Variants in CERS3 observed in about 807,000 individuals in gnomAD.
CERS3 encodes LAG1 homolog, ceramide synthase 3.
Under a neutral mutation model 50.3 loss-of-function variants are expected in CERS3, and 33 were observed. That is an observed-to-expected ratio of 0.66 (90% confidence interval 0.50 to 0.88). The LOEUF (loss-of-function observed/expected upper bound fraction) is 0.88, where lower values mean the gene tolerates loss of function less well. Among genes scored for constraint, CERS3 ranks in the 40% least tolerant of loss-of-function variants. The probability of loss-of-function intolerance (pLI) is 0.00; values close to 1 mark genes in which losing one functional copy is unlikely to be tolerated. For synonymous variants in CERS3, 176 were observed against 155.2 expected (o/e 1.13, Z -0.99); for missense variants, 470 against 460.3 (o/e 1.02, Z -0.19).
chr15:100,452,135 CTT>C (rs1567627235), intron 11 of CERS3, among the ~76,000 whole-genome samples: 1 of 150,498 alleles, frequency 6.6e-6, no homozygotes, highest in African/African-American at 2.5e-5. Context: ...ACCTAACAGA[CTT>C]TTACAGAACA....
At chr15:100,453,647 C>T (rs1473013594) in intron 11 of CERS3, among the ~76,000 whole-genome samples, 1 of 152,106 alleles carries the variant, frequency 6.6e-6, no homozygotes, top group African/African-American at 2.4e-5. Context: ...ACATTAAAGT[C>T]AGAGCAATCA....
chr15:100,426,500 C>T (rs2032819494), intron 11 of CERS3, among the ~76,000 whole-genome samples: 1 of 152,158 alleles, frequency 6.6e-6, no homozygotes, highest in Non-Finnish European at 1.5e-5. Flanking sequence ...GCCATCTCTG[C>T]AGGGAAAGAG....
At chr15:100,491,050 A>G in intron 3 of CERS3, 119 bp from the exon 4 acceptor site, 5 of 653,864 alleles carry the variant, frequency 7.6e-6, no homozygotes, top group Non-Finnish European at 1.0e-5. Context: ...TTATGTTGAC[A>G]CTGGGGCTAC....
chr15:100,459,475 G>GT (rs1296643428), intron 10 of CERS3, among the ~76,000 whole-genome samples: 4 of 152,026 alleles, frequency 2.6e-5, no homozygotes, highest in Admixed American at 6.5e-5. Flanking sequence ...TTTGTATTTT[G>GT]TTTTTTGTAG....
At chr15:100,508,422 T>C (rs1343561948) in intron 2 of CERS3, among the ~76,000 whole-genome samples, 1 of 152,202 alleles carries the variant, frequency 6.6e-6, no homozygotes, top group Non-Finnish European at 1.5e-5. Flanking sequence ...AGTAGAACAA[T>C]ACTTTTGTGC....
At chr15:100,454,156 C>T (rs1020465448) in intron 11 of CERS3, among the ~76,000 whole-genome samples, 18 of 151,956 alleles carry the variant, frequency 1.2e-4, no homozygotes, top group Non-Finnish European at 7.4e-5. Flanking sequence ...TTTGGGAGGC[C>T]AAGGCAAGAG....
At chr15:100,410,776 T>C (rs1405033887) in intron 11 of CERS3, among the ~76,000 whole-genome samples, 2 of 152,236 alleles carry the variant, frequency 1.3e-5, no homozygotes, top group East Asian at 3.8e-4. Flanking sequence ...TCTAGAAGTG[T>C]CAAAGCATTG....
chr15:100,483,787 A>ATTTTTTTTTTTTTTTTTT (rs10622678), intron 5 of CERS3, among the ~76,000 whole-genome samples: 6 of 100,040 alleles, frequency 6.0e-5, no homozygotes, highest in South Asian at 3.7e-4. Context: ...TATTATTATT[A>ATTTTTTTTTTTTTTTTTT]TTTTTTTTTT....
At chr15:100,527,523 A>G (rs1243612821) in intron 1 of CERS3, among the ~76,000 whole-genome samples, 2 of 152,248 alleles carry the variant, frequency 1.3e-5, no homozygotes, top group African/African-American at 4.8e-5. Context: ...GAATCCCTCC[A>G]CACAAGGACC....
chr15:100,443,367 C>T (rs113673026), intron 11 of CERS3, among the ~76,000 whole-genome samples: 2 of 150,264 alleles, frequency 1.3e-5, no homozygotes, highest in Middle Eastern at 3.4e-3. Context: ...ATAAACTCTC[C>T]TTACAATTCC....
intron 11 of CERS3, among the ~76,000 whole-genome samples, chr15:100,451,603 A>G (rs182358082): frequency 1.4e-3 from 215 of 152,288 alleles, no homozygotes; most frequent in Non-Finnish European, 2.1e-3. Context: ...CCTACTAGGA[A>G]GGCTGAGGTG....
At chr15:100,459,699 C>T (rs2034489063) in intron 10 of CERS3, among the ~76,000 whole-genome samples, 1 of 152,152 alleles carries the variant, frequency 6.6e-6, no homozygotes, top group Non-Finnish European at 1.5e-5. Context: ...TGTTACACTG[C>T]TTTCCAGAAA....
intron 2 of CERS3, among the ~76,000 whole-genome samples, chr15:100,503,259 T>A (rs1370441397): frequency 6.6e-6 from 1 of 152,196 alleles, no homozygotes; most frequent in Non-Finnish European, 1.5e-5. Flanking sequence ...CCACAGTGAA[T>A]GAATCCAAGG....
At chr15:100,440,550 AC>A (rs1410888091) in intron 11 of CERS3, among the ~76,000 whole-genome samples, 1 of 152,202 alleles carries the variant, frequency 6.6e-6, no homozygotes, top group African/African-American at 2.4e-5. Context: ...GGTGAAATAA[AC>A]AGCCTTGTTG....
intron 1 of CERS3, among the ~76,000 whole-genome samples, chr15:100,536,255 C>A (rs73477706): frequency 1.3e-5 from 2 of 151,942 alleles, no homozygotes; most frequent in African/African-American, 4.8e-5. Flanking sequence ...TCATATCCCA[C>A]GTCCATGAAG....
At chr15:100,431,193 C>T (rs2033114018) in intron 11 of CERS3, among the ~76,000 whole-genome samples, 3 of 152,210 alleles carry the variant, frequency 2.0e-5, no homozygotes, top group Admixed American at 6.5e-5. Context: ...AAGGGTCTTT[C>T]AACTTCTAAA....
Position 100,479,982 on chromosome 15 carries a change from A to T in CERS3, c.465+7T>A. On this transcript the variant is annotated splice_region_variant and intron_variant, in intron 6 of 11. Transcript: ENST00000679737. ...ATTCCAATCGAAGATATAAAAAGAT[A>T]ACTTACATCATAAAGAAACGCAATT... The T allele has an allele frequency of 6.3e-7, 1 of 1,595,452 alleles. No homozygotes were observed.
chr15:100,432,766 C>A (rs533259041), intron 11 of CERS3, among the ~76,000 whole-genome samples: 1 of 151,972 alleles, frequency 6.6e-6, no homozygotes, highest in African/African-American at 2.4e-5. Context: ...GAGTCACGTA[C>A]GTTCGAAAGA....
chr15:100,450,495 AACTCC>A (rs1417655219), intron 11 of CERS3, among the ~76,000 whole-genome samples: 2 of 151,798 alleles, frequency 1.3e-5, no homozygotes, highest in African/African-American at 4.8e-5. Context: ...CTTTTGAAAG[AACTCC>A]ATTAGATAAA....
Sources: gnomAD v4.1 joint callset for allele counts (sites outside exome capture counted in the v4.1 genomes callset) on GRCh38, gnomAD v4.1.1 for gene constraint, MANE v1.5 for transcripts, NCBI Gene and HGNC (gene_info 2026-07-23, HGNC 2026-07-21) for gene names.